RAB18: variants seen among roughly 807,000 people sequenced by gnomAD.
RAB18 encodes RAB18, member RAS oncogene family.
A neutral mutation model predicts 28.5 loss-of-function variants in RAB18; 10 were observed. That is an observed-to-expected ratio of 0.35 (90% confidence interval 0.22 to 0.60). The LOEUF (loss-of-function observed/expected upper bound fraction) is 0.60, where lower values mean the gene tolerates loss of function less well. Among genes scored for constraint, RAB18 ranks in the 20% least tolerant of loss-of-function variants. RAB18 has a pLI of 0.78. For synonymous variants in RAB18, 93 were observed against 86.9 expected (o/e 1.07, Z -0.39); for missense variants, 188 against 244.2 (o/e 0.77, Z 1.53).
intron 1 of RAB18, among the ~76,000 whole-genome samples, chr10:27,506,408 A>G (rs1244326752): frequency 2.0e-5 from 3 of 152,036 alleles, no homozygotes; most frequent in Admixed American, 6.5e-5. Flanking sequence ...TGCAGTCTCA[A>G]TCTCCTGGGC....
Position 27,512,250 on chromosome 10 carries a change from T to A in RAB18, c.124+2320T>A, listed in dbSNP as rs201280763. 5.3e-5 allele frequency among the ~76,000 whole-genome samples: 8 copies of A among 152,156 alleles called. No individual in the cohort carries two copies. In the East Asian group the frequency reaches 1.5e-3, roughly 29 times the overall value. ...GAAAGGGAATCATTTAAAACACGAATTCAAAATCCATTGTAATTTGGCTTT... is the reference window on the plus strand; with the variant it reads ...GAAAGGGAATCATTTAAAACACGAAATCAAAATCCATTGTAATTTGGCTTT... On this transcript the variant is annotated intron_variant, in intron 2 of 6. Coordinates refer to ENST00000356940, the MANE Select transcript of RAB18 (RefSeq NM_021252.5).
rs1365992007 is a variant in RAB18 at position 27,538,805 on chromosome 10, G to T, written c.*754G>T. ...AGGTTTTCCCCCATTTTGGTTTCAG[G>T]AGGACATGAATAGTGTGTTTATTGT... On this transcript the variant is annotated 3_prime_UTR_variant, in exon 7 of 7. Transcript: ENST00000356940. 1 of 454,020 alleles carries T rather than the reference G, an allele frequency of 2.2e-6. No individual in the cohort carries two copies. Among genetic ancestry groups the T allele is most frequent in the Non-Finnish European group, 4.4e-6 (1 of 226,746 alleles). 28.1% of individuals were successfully genotyped at this position (454,020 alleles called of 1,614,324 possible).
chr10:27,508,820 A>G (rs569017831), intron 1 of RAB18, among the ~76,000 whole-genome samples: 70 of 152,318 alleles, frequency 4.6e-4, no homozygotes, highest in African/African-American at 1.6e-3. Context: ...AGCAATAATC[A>G]CAACCTATAG....
chr10:27,516,003 C>A (rs907792970), intron 2 of RAB18, among the ~76,000 whole-genome samples: 1 of 152,160 alleles, frequency 6.6e-6, no homozygotes, highest in East Asian at 1.9e-4. Context: ...TTTTTGTTGT[C>A]TTTTCCTAAG....
At position 27,537,916 on chromosome 10, in the gene RAB18, T is replaced by C. The variant is rs1242645151; in HGVS notation, c.486T>C (p.Phe162=). The part of the protein sequence containing the change: ...AKTCDGVQCA[F]EELVEKIIQT... ...CCTGTGATGGTGTACAATGTGCCTTTGAAGAACTTGTTGAAAAGATCATTC... is the reference window on the plus strand; with the variant it reads ...CCTGTGATGGTGTACAATGTGCCTTCGAAGAACTTGTTGAAAAGATCATTC... The change falls in exon 7 of 7, where the codon TTT becomes TTC. Residue 162 remains phenylalanine (F), a synonymous_variant. Transcript: ENST00000356940. The C allele has an allele frequency of 6.2e-7, 1 of 1,613,994 alleles. No individual in the cohort carries two copies. Among genetic ancestry groups the C allele is most frequent in the African/African-American group, 1.3e-5 (1 of 74,918 alleles).
At chr10:27,507,661 C>A (rs1424709526) in intron 1 of RAB18, among the ~76,000 whole-genome samples, 2 of 150,970 alleles carry the variant, frequency 1.3e-5, no homozygotes, top group East Asian at 3.9e-4. Flanking sequence ...GTGGTAGTTA[C>A]TCCTTCCATC....
intron 1 of RAB18, chr10:27,504,997 G>C: frequency 1.9e-6 from 1 of 533,582 alleles, no homozygotes; most frequent in Non-Finnish European, 3.8e-6. Context: ...GAAAGAACTG[G>C]ATCTTGTGAC....
At position 27,533,912 on chromosome 10, in the gene RAB18, T is replaced by C. The variant is rs371577624; in HGVS notation, c.379-16T>C. ...TATTTTGGTAGCCTTTCTTAATCAT[T>C]GCATTTATATTTTAGGAAAATCGTG... On this transcript the variant is annotated splice_polypyrimidine_tract_variant and intron_variant, in intron 5 of 6. Coordinates refer to ENST00000356940, the MANE Select transcript of RAB18 (RefSeq NM_021252.5). 81 of 1,609,574 alleles carry C rather than the reference T, an allele frequency of 5.0e-5. No homozygotes were observed. Among genetic ancestry groups the C allele is most frequent in the Middle Eastern group, 1.6e-4 (1 of 6,066 alleles).
chr10:27,520,427 T>C (rs1179055813), intron 2 of RAB18, among the ~76,000 whole-genome samples: 4 of 152,260 alleles, frequency 2.6e-5, no homozygotes, highest in African/African-American at 9.6e-5. Context: ...ATTTTGTTGA[T>C]CTTTAAGAAA....
intron 6 of RAB18, among the ~76,000 whole-genome samples, chr10:27,535,851 C>A (rs1009272520): frequency 3.9e-5 from 6 of 152,092 alleles, no homozygotes; most frequent in Non-Finnish European, 7.4e-5. Context: ...CTTTGGGAGG[C>A]CGAGGCAGGC....
intron 1 of RAB18, among the ~76,000 whole-genome samples, chr10:27,508,381 C>T (rs573883481): frequency 6.6e-6 from 1 of 152,294 alleles, no homozygotes; most frequent in East Asian, 1.9e-4. Flanking sequence ...AAATAATACC[C>T]AATATCATCA....
intron 3 of RAB18, chr10:27,531,713 T>C: frequency 7.4e-6 from 5 of 678,978 alleles, no homozygotes; most frequent in Non-Finnish European, 1.1e-5. Context: ...CTTGAATCCA[T>C]AGTCCAAGGA....
chr10:27,524,229 C>G (rs1390907110), intron 2 of RAB18, among the ~76,000 whole-genome samples: 2 of 152,204 alleles, frequency 1.3e-5, no homozygotes, highest in East Asian at 3.9e-4. Context: ...TGTGCCCAGC[C>G]CATTTTCATC....
Position 27,541,344 on chromosome 10 carries a change from CT to C in RAB18, c.*3308del, listed in dbSNP as rs36085130. 0.6 allele frequency: 250,088 copies of C among 418,634 alleles called. 45,464 individuals are homozygous for C. Among genetic ancestry groups the C allele is most frequent in the African/African-American group, 0.65 (30,024 of 46,348 alleles). 25.9% of individuals were successfully genotyped at this position (418,634 alleles called of 1,614,324 possible). A position where few individuals can be genotyped will look rare whatever the true frequency, so the allele number is the denominator to read the frequency against. On this transcript the variant is annotated 3_prime_UTR_variant, in exon 7 of 7. Transcript: ENST00000356940. The stretch of plus-strand genomic sequence containing the variant: ...CTAAGGAATATAGAATCACCCAGGT[CT>C]TTTTTTTTTTTTTTAATTTTTCTCT...
At chr10:27,513,175 C>G (rs1377474602) in intron 2 of RAB18, among the ~76,000 whole-genome samples, 1 of 151,788 alleles carries the variant, frequency 6.6e-6, no homozygotes, top group Non-Finnish European at 1.5e-5. Flanking sequence ...GCTGGGATTG[C>G]AGGTGTGTGC....
chr10:27,509,352 C>T (rs1010721608), intron 1 of RAB18, among the ~76,000 whole-genome samples: 1 of 152,134 alleles, frequency 6.6e-6, no homozygotes, highest in African/African-American at 2.4e-5. Flanking sequence ...TTTCTTTTAA[C>T]CTCTCTTTTT....
intron 2 of RAB18, 48 bp downstream of exon 2, chr10:27,509,978 C>A (rs1834294085): frequency 1.4e-6 from 2 of 1,460,878 alleles, no homozygotes; most frequent in Middle Eastern, 1.7e-4. Flanking sequence ...TATTTTCTTG[C>A]CTTTGGCCTT....
chr10:27,524,981 G>A (rs545580635), intron 2 of RAB18, among the ~76,000 whole-genome samples: 3 of 152,320 alleles, frequency 2.0e-5, no homozygotes, highest in Middle Eastern at 6.8e-3. Context: ...GTCTCCTGTG[G>A]ATGGGTATTG....
At chr10:27,507,825 G>A (rs971549682) in intron 1 of RAB18, among the ~76,000 whole-genome samples, 4 of 151,720 alleles carry the variant, frequency 2.6e-5, no homozygotes, top group Non-Finnish European at 5.9e-5. Flanking sequence ...ATCTCTTGAG[G>A]CCAGGAGTCC....
Sources: allele counts gnomAD v4.1 joint callset (sites outside exome capture counted in the v4.1 genomes callset), GRCh38; gene constraint gnomAD v4.1.1; transcripts MANE v1.5; gene names NCBI Gene and HGNC (gene_info 2026-07-23, HGNC 2026-07-21).